Variants in SLC26A7 observed in about 807,000 individuals in gnomAD.
SLC26A7 encodes anion exchange transporter.
Under a neutral mutation model 82.5 loss-of-function variants are expected in SLC26A7, and 59 were observed. The ratio of observed to expected loss-of-function variants is 0.72; its 90% CI spans 0.58 to 0.89. SLC26A7 has a LOEUF of 0.89. Ranked by LOEUF, SLC26A7 falls within the 40% of genes least tolerant of loss-of-function variation. The probability of loss-of-function intolerance (pLI) is 0.00; values close to 1 mark genes in which losing one functional copy is unlikely to be tolerated. For missense variants in SLC26A7, 820 were observed against 793.0 expected, an observed-to-expected ratio of 1.03 and a Z score of -0.41; for synonymous variants, 271 against 274.3, an observed-to-expected ratio of 0.99 and a Z score of 0.12.
At chr8:91,238,080 A>T (rs893859733) in intron 2 of SLC26A7, among the ~76,000 whole-genome samples, 1 of 152,108 alleles carries the variant, frequency 6.6e-6, no homozygotes, top group African/African-American at 2.4e-5. Context: ...TTGCTATATG[A>T]TGTTGCTTTT....
chr8:91,368,568 G>A (rs1047721086), intron 14 of SLC26A7, among the ~76,000 whole-genome samples: 14 of 151,826 alleles, frequency 9.2e-5, no homozygotes, highest in East Asian at 5.8e-4. Flanking sequence ...ACAGGCGCCC[G>A]CCACCACGCC....
chr8:91,268,164 A>G (rs761825007), intron 2 of SLC26A7, among the ~76,000 whole-genome samples: 18 of 151,850 alleles, frequency 1.2e-4, no homozygotes, highest in Non-Finnish European at 2.4e-4. Flanking sequence ...CTGAACTAAT[A>G]TATGGTCTTT....
chr8:91,224,572 A>C (rs1340806663), intron 2 of SLC26A7, among the ~76,000 whole-genome samples: 1 of 151,922 alleles, frequency 6.6e-6, no homozygotes, highest in Admixed American at 6.6e-5. Flanking sequence ...TTCTTCTGGG[A>C]CCTCTGACCT....
chr8:91,292,994 A>C (rs988217234), intron 3 of SLC26A7, among the ~76,000 whole-genome samples: 2 of 152,252 alleles, frequency 1.3e-5, no homozygotes, highest in African/African-American at 4.8e-5. Flanking sequence ...AAAAATAAAC[A>C]ATTATTTACT....
intron 15 of SLC26A7, among the ~76,000 whole-genome samples, chr8:91,376,005 CT>C (rs939048849): frequency 7.6e-4 from 116 of 151,870 alleles, no homozygotes; most frequent in African/African-American, 2.5e-3. Context: ...TAAAATTATT[CT>C]TTTTTTTCTA....
At chr8:91,211,595 AATAT>A (rs144378729) in intron 1 of SLC26A7, among the ~76,000 whole-genome samples, 2 of 140,430 alleles carry the variant, frequency 1.4e-5, no homozygotes, top group African/African-American at 2.6e-5. Context: ...CAATTATACA[AATAT>A]ATATATATAT....
At chr8:91,222,843 G>A (rs1312844168) in intron 2 of SLC26A7, among the ~76,000 whole-genome samples, 1 of 152,120 alleles carries the variant, frequency 6.6e-6, no homozygotes. Flanking sequence ...TCAGGATGAT[G>A]CTGGCTTCAT....
chr8:91,290,940 A>G (rs192157440), intron 3 of SLC26A7, among the ~76,000 whole-genome samples: 75 of 152,278 alleles, frequency 4.9e-4, no homozygotes, highest in East Asian at 1.5e-3. Flanking sequence ...ATTATGTAGG[A>G]GCTTGTTAAA....
At chr8:91,302,647 C>G (rs1006720871) in intron 4 of SLC26A7, among the ~76,000 whole-genome samples, 2 of 152,018 alleles carry the variant, frequency 1.3e-5, no homozygotes, top group Middle Eastern at 3.4e-3. Context: ...ATTCATGAAC[C>G]CATCATCAAG....
chr8:91,223,710 C>G (rs1024367289), intron 2 of SLC26A7, among the ~76,000 whole-genome samples: 1 of 152,214 alleles, frequency 6.6e-6, no homozygotes, highest in East Asian at 1.9e-4. Context: ...GCTGAATTTG[C>G]AAGTTGGCCT....
At chr8:91,300,327 A>T (rs1271710219) in intron 4 of SLC26A7, among the ~76,000 whole-genome samples, 2 of 151,874 alleles carry the variant, frequency 1.3e-5, no homozygotes, top group African/African-American at 4.8e-5. Context: ...TTTGCGTGTT[A>T]ATTTTGAATC....
intron 11 of SLC26A7, among the ~76,000 whole-genome samples, chr8:91,359,857 A>C (rs1813997553): frequency 6.7e-6 from 1 of 149,882 alleles, no homozygotes; most frequent in Non-Finnish European, 1.5e-5. Context: ...AGTATCATGG[A>C]AGTAAAATTA....
intron 4 of SLC26A7, among the ~76,000 whole-genome samples, chr8:91,314,814 C>T (rs1405815786): frequency 6.6e-6 from 1 of 152,096 alleles, no homozygotes; most frequent in African/African-American, 2.4e-5. Context: ...AGTCTTTAGA[C>T]ATTTTAAGAG....
intron 11 of SLC26A7, among the ~76,000 whole-genome samples, chr8:91,357,010 C>A (rs1442045871): frequency 6.6e-6 from 1 of 152,136 alleles, no homozygotes; most frequent in Non-Finnish European, 1.5e-5. Context: ...TGTCATCTCT[C>A]CATTCTTCAT....
chr8:91,324,488 A>G (rs978838159), intron 5 of SLC26A7, among the ~76,000 whole-genome samples: 3 of 152,214 alleles, frequency 2.0e-5, no homozygotes, highest in Admixed American at 6.5e-5. Flanking sequence ...CAGAATAATC[A>G]GAATAATCTG....
At chr8:91,278,663 T>G (rs967401100) in intron 2 of SLC26A7, among the ~76,000 whole-genome samples, 1 of 152,174 alleles carries the variant, frequency 6.6e-6, no homozygotes, top group South Asian at 2.1e-4. Flanking sequence ...GCTTATGAAG[T>G]ACAACATGAT....
intron 1 of SLC26A7, among the ~76,000 whole-genome samples, chr8:91,211,618 T>TATATATA (rs1282294122): frequency 2.4e-5 from 3 of 125,084 alleles, no homozygotes; most frequent in Admixed American, 7.8e-5. Context: ...ATATATATAT[T>TATATATA]TTTTTTTTAT....
At chr8:91,358,910 A>G (rs1813963923) in intron 11 of SLC26A7, among the ~76,000 whole-genome samples, 1 of 152,140 alleles carries the variant, frequency 6.6e-6, no homozygotes, top group Non-Finnish European at 1.5e-5. Flanking sequence ...GAAGCGGAAC[A>G]TCAACACCAG....
At chr8:91,234,050 T>C (rs1810351584) in intron 2 of SLC26A7, among the ~76,000 whole-genome samples, 1 of 152,226 alleles carries the variant, frequency 6.6e-6, no homozygotes, top group Non-Finnish European at 1.5e-5. Context: ...AGAATAGATT[T>C]AACACTGGTT....
Sources: allele counts gnomAD v4.1 joint callset (sites outside exome capture counted in the v4.1 genomes callset), GRCh38; gene constraint gnomAD v4.1.1; transcripts MANE v1.5; gene names NCBI Gene and HGNC (gene_info 2026-07-23, HGNC 2026-07-21).